SUCLG2: variants seen among roughly 807,000 people sequenced by gnomAD.
SUCLG2 encodes succinate--CoA ligase [GDP-forming] subunit beta, mitochondrial.
Under a neutral mutation model 47.9 loss-of-function variants are expected in SUCLG2, and 42 were observed. The ratio of observed to expected loss-of-function variants is 0.88; its 90% CI spans 0.69 to 1.14. SUCLG2 has a LOEUF of 1.14. Among genes scored for constraint, SUCLG2 ranks in the 50% most tolerant of loss-of-function variants. The pLI is 0.00. For synonymous variants in SUCLG2, 195 were observed against 197.3 expected, an observed-to-expected ratio of 0.99 and a Z score of 0.10; for missense variants, 571 against 525.9, an observed-to-expected ratio of 1.09 and a Z score of -0.84.
intron 9 of SUCLG2, among the ~76,000 whole-genome samples, chr3:67,475,326 C>G (rs1704721551): frequency 6.6e-6 from 1 of 152,174 alleles, no homozygotes; most frequent in African/African-American, 2.4e-5. Context: ...TGAGTGATTT[C>G]TCTTCATTGC....
At chr3:67,384,331 T>C (rs151136198) in intron 10 of SUCLG2, among the ~76,000 whole-genome samples, 426 of 152,270 alleles carry the variant, frequency 2.8e-3, no homozygotes, top group African/African-American at 9.6e-3. Flanking sequence ...CTGGCCTCTT[T>C]TCTACACTAG....
chr3:67,371,346 A>C (rs562728234), downstream of SUCLG2, among the ~76,000 whole-genome samples: 3 of 152,352 alleles, frequency 2.0e-5, no homozygotes, highest in African/African-American at 7.2e-5. Context: ...AAAATATGAG[A>C]TAAGACTGCC....
chr3:67,376,497 G>T (rs1292251320), intron 10 of SUCLG2: 2 of 984,002 alleles, frequency 2.0e-6, no homozygotes, highest in African/African-American at 3.5e-5. Flanking sequence ...ATTTTAGAGT[G>T]AACAACTCCT....
chr3:67,640,569 C>T (rs1701084825), intron 1 of SUCLG2, among the ~76,000 whole-genome samples: 1 of 152,120 alleles, frequency 6.6e-6, no homozygotes, highest in South Asian at 2.1e-4. Context: ...TTTTTACTCT[C>T]TTATAACATT....
At chr3:67,584,007 A>G (rs1707947835) in intron 2 of SUCLG2, among the ~76,000 whole-genome samples, 1 of 152,218 alleles carries the variant, frequency 6.6e-6, no homozygotes, top group Admixed American at 6.5e-5. Flanking sequence ...ATTCAAGGGC[A>G]CAAAACTAGG....
chr3:67,653,232 C>A (rs544735847), intron 1 of SUCLG2, among the ~76,000 whole-genome samples: 285 of 152,294 alleles, frequency 1.9e-3, no homozygotes, highest in African/African-American at 6.6e-3. Context: ...TTTTTTCTAA[C>A]ACTTAAATAA....
At chr3:67,402,555 T>C (rs1178242225) in intron 9 of SUCLG2, among the ~76,000 whole-genome samples, 3 of 152,238 alleles carry the variant, frequency 2.0e-5, no homozygotes, top group Admixed American at 1.3e-4. Flanking sequence ...GCTGTTAGCA[T>C]TGAGGCTTGG....
At chr3:67,365,206 A>G (rs929656401) in intron 10 of SUCLG2, among the ~76,000 whole-genome samples, 1 of 152,228 alleles carries the variant, frequency 6.6e-6, no homozygotes, top group African/African-American at 2.4e-5. Context: ...GAACTCCTGT[A>G]TTGAAAGGAG....
At chr3:67,394,172 G>A (rs1702466438) in intron 10 of SUCLG2, among the ~76,000 whole-genome samples, 1 of 152,204 alleles carries the variant, frequency 6.6e-6, no homozygotes, top group Non-Finnish European at 1.5e-5. Flanking sequence ...GCTGGACGGA[G>A]AATGACTTTG....
In SUCLG2 at chr3:67,452,139, T is replaced by C. The variant is rs180891708; in HGVS notation, c.1062+43659A>G. The stretch of plus-strand genomic sequence containing the variant: ...TCCTCTCCAGAAATACAAATACAAA[T>C]AAAAAACAAAAACTCTCTATGTGCT... On this transcript the variant is annotated intron_variant, in intron 9 of 10. Coordinates refer to ENST00000307227, the MANE Select transcript of SUCLG2 (RefSeq NM_003848.4). 2.1e-3 allele frequency among the ~76,000 whole-genome samples: 312 copies of C among 152,192 alleles called. 1 individual carries two copies. Among genetic ancestry groups the C allele is most frequent in the African/African-American group, 7.1e-3 (295 of 41,528 alleles).
chr3:67,376,823 T>G (rs79208083), intron 10 of SUCLG2, among the ~76,000 whole-genome samples: 23,065 of 152,162 alleles, frequency 0.15, 1,884 homozygotes, highest in Middle Eastern at 0.23. Context: ...TGTCTTCACC[T>G]TAAGGCTCAC....
At chr3:67,597,210 C>G (rs564412233) in intron 2 of SUCLG2, among the ~76,000 whole-genome samples, 82 of 152,308 alleles carry the variant, frequency 5.4e-4, no homozygotes, top group Non-Finnish European at 1.0e-3. Flanking sequence ...GGCAAAGACA[C>G]CGAGTTGATG....
Position 67,495,797 on chromosome 3 carries a change from C to A in SUCLG2, c.1062+1G>T. On this transcript the variant is annotated splice_donor_variant, in intron 9 of 10. Coordinates refer to ENST00000307227, the MANE Select transcript of SUCLG2 (RefSeq NM_003848.4). LOFTEE classifies it high-confidence loss of function. ...AATCTCCCTACAAAGAGAAAGGTTA[C>A]CTTAGGATCAGCTGTGAGCAATTTG... The A allele has an allele frequency of 1.2e-6, 2 of 1,613,484 alleles. No individual in the cohort carries two copies. The highest frequency in any genetic ancestry group is 1.7e-6 in the Non-Finnish European group (2 of 1,179,916).
chr3:67,650,920 C>A (rs1215865229), intron 1 of SUCLG2, among the ~76,000 whole-genome samples: 3 of 152,150 alleles, frequency 2.0e-5, no homozygotes, highest in Admixed American at 2.0e-4. Context: ...GCCAACATTT[C>A]CCCTAAGACT....
At chr3:67,646,756 C>T (rs74684600) in intron 1 of SUCLG2, among the ~76,000 whole-genome samples, 127 of 152,240 alleles carry the variant, frequency 8.3e-4, no homozygotes, top group African/African-American at 3.0e-3. Context: ...TCTGATTCCA[C>T]TCACGGTGTA....
In SUCLG2 at chr3:67,520,496, C is replaced by T; in HGVS notation, c.556G>A (p.Glu186Lys). The change falls in exon 5 of 11, where the codon GAG (glutamate) becomes AAG (lysine). Residue 186 changes from glutamate to lysine, a missense_variant. Physicochemically the swap from Glu to Lys is moderately conservative, Grantham distance 56. Coordinates refer to ENST00000307227, the MANE Select transcript of SUCLG2 (RefSeq NM_003848.4). ...DIEEVAASNP[E>K]LIFKEQIDIF... The stretch of plus-strand genomic sequence containing the variant: ...TTTAAACATACCTTAAAAATGAGCT[C>T]CGGGTTTGAAGCAGCCACCTCTTCA... The T allele has an allele frequency of 6.2e-7, 1 of 1,614,060 alleles. No homozygotes were observed. Among genetic ancestry groups the T allele is most frequent in the African/African-American group, 1.3e-5 (1 of 75,048 alleles).
chr3:67,497,021 T>A (rs1284134997), intron 8 of SUCLG2, among the ~76,000 whole-genome samples: 1 of 152,180 alleles, frequency 6.6e-6, no homozygotes, highest in Admixed American at 6.5e-5. Context: ...ACAGAGGCTA[T>A]AAATAATCTG....
chr3:67,434,123 T>C (rs1227582401), intron 9 of SUCLG2, among the ~76,000 whole-genome samples: 1 of 152,174 alleles, frequency 6.6e-6, no homozygotes, highest in African/African-American at 2.4e-5. Context: ...GCAAATGAAA[T>C]GATCTGTCAG....
rs1283170670 is a variant in SUCLG2 at position 67,654,494 on chromosome 3, C to G, written c.84+9G>C. ...TGCTGGCGCCCGCAGCTCCTGCCCC[C>G]ACGCTCACCTGGGACCCGGCCGCCA... On this transcript the variant is annotated intron_variant, in intron 1 of 10. Transcript: ENST00000307227. 2.4e-6 allele frequency: 3 copies of G among 1,236,022 alleles called. No individual in the cohort carries two copies. Among genetic ancestry groups the G allele is most frequent in the Non-Finnish European group, 3.0e-6 (3 of 989,114 alleles). The allele number at this position is 1,236,022 out of a possible 1,614,324, so 76.6% of individuals were successfully genotyped here.
Sources: gnomAD v4.1 joint callset for allele counts (sites outside exome capture counted in the v4.1 genomes callset) on GRCh38, gnomAD v4.1.1 for gene constraint, MANE v1.5 for transcripts, NCBI Gene and HGNC (gene_info 2026-07-23, HGNC 2026-07-21) for gene names.